Variants in LIX1L observed in about 807,000 individuals in gnomAD.
LIX1L encodes limb and CNS expressed 1 like, also known as LIX1-like protein.
In LIX1L, 20 loss-of-function variants were observed where a neutral mutation model predicts 34.0. That is an observed-to-expected ratio of 0.59 (90% CI 0.41 to 0.85). The LOEUF (loss-of-function observed/expected upper bound fraction) is 0.85. Ranked by LOEUF, LIX1L falls within the 40% of genes least tolerant of loss-of-function variation. The probability of loss-of-function intolerance (pLI) is 0.00; values close to 1 mark genes in which losing one functional copy is unlikely to be tolerated. For missense variants in LIX1L, 397 were observed against 447.0 expected (o/e 0.89, Z 1.01); for synonymous variants, 170 against 187.4 (o/e 0.91, Z 0.76).
chr1:145,949,977 G>A (rs928345329), intron 1 of LIX1L, among the ~76,000 whole-genome samples: 5 of 151,916 alleles, frequency 3.3e-5, no homozygotes, highest in African/African-American at 9.7e-5. Context: ...CACCACGCCC[G>A]TCTAATTTTT....
At chr1:145,955,945 C>A in intron 1 of LIX1L, among the ~76,000 whole-genome samples, 1 of 152,266 alleles carries the variant, frequency 6.6e-6, no homozygotes, top group African/African-American at 2.4e-5. Context: ...AGGGTGTACT[C>A]TTCTATAATT....
rs1466260212 is a variant in LIX1L, at chr1:145,948,788, T to C, written c.293-1006A>G. ...CTTTACTTGGGCTATTTTTCAGGAC[T>C]GTGCTTGCAGCAAGAAATATTGAGG... On this transcript the variant is annotated intron_variant, in intron 1 of 5. Coordinates refer to ENST00000604000, the MANE Select transcript of LIX1L (RefSeq NM_153713.3). This position sits in a 1 kb window ranked among gnomAD's most constrained non-coding sequence, Gnocchi z 4.0. 1 of 152,240 alleles carries C rather than the reference T, an allele frequency of 6.6e-6. No homozygotes were observed. The highest frequency in any genetic ancestry group is 2.4e-5 in the African/African-American group (1 of 41,466). 9.4% of individuals were successfully genotyped at this position (152,240 alleles called of 1,614,324 possible).
At position 145,936,263 on chromosome 1, in the gene LIX1L, C is replaced by T; in HGVS notation, c.*47G>A. 2 of 1,588,740 alleles carry T rather than the reference C, an allele frequency of 1.3e-6. No homozygotes were observed. The highest frequency in any genetic ancestry group is 1.7e-6 in the Non-Finnish European group (2 of 1,166,642). ...ATCATCCTAAATCTTAGAAAGGAGACATAAAAAAAGGCTGTGGAAAGCCTG... is the reference window on the plus strand; with the variant it reads ...ATCATCCTAAATCTTAGAAAGGAGATATAAAAAAAGGCTGTGGAAAGCCTG... On this transcript the variant is annotated 3_prime_UTR_variant, in exon 6 of 6. Transcript: ENST00000604000.
intron 2 of LIX1L, 44 bp from the exon 3 acceptor site, chr1:145,942,897 TGA>T (rs1648972699): frequency 2.5e-6 from 4 of 1,598,732 alleles, no homozygotes; most frequent in Non-Finnish European, 3.4e-6. Flanking sequence ...TTTGTGCATA[TGA>T]GAGAGAGGAA....
chr1:145,949,087 A>T (rs1432218924), intron 1 of LIX1L: 1 of 152,208 alleles, frequency 6.6e-6, no homozygotes, highest in African/African-American at 2.4e-5. Flanking sequence ...AGCACCCATG[A>T]AACAGTAAAT....
In LIX1L at chr1:145,936,227, A is replaced by C; in HGVS notation, c.*83T>G. 1 of 1,426,396 alleles carries C rather than the reference A, an allele frequency of 7.0e-7. No homozygotes were observed. Among genetic ancestry groups the C allele is most frequent in the Non-Finnish European group, 9.5e-7 (1 of 1,049,626 alleles). The allele number at this position is 1,426,396 out of a possible 1,614,324, so 88.4% of individuals were successfully genotyped here. A position where few individuals can be genotyped will look rare whatever the true frequency, so the allele number is the denominator to read the frequency against. On this transcript the variant is annotated 3_prime_UTR_variant, in exon 6 of 6. Transcript: ENST00000604000. The stretch of plus-strand genomic sequence containing the variant: ...TTTTAAAGTATAAAAATGAGAAAGT[A>C]TGTACAAAAAATCATCCTAAATCTT...
intron 3 of LIX1L, chr1:145,941,929 G>A (rs1467264438): frequency 6.6e-6 from 1 of 152,096 alleles, no homozygotes; most frequent in Non-Finnish European, 1.5e-5. Flanking sequence ...TGTCGCCCAG[G>A]CTGGAGTACA....
chr1:145,944,907 G>A (rs1374388970), intron 2 of LIX1L, among the ~76,000 whole-genome samples: 2 of 151,796 alleles, frequency 1.3e-5, no homozygotes, highest in Admixed American at 6.6e-5. Flanking sequence ...ATATGCCTGC[G>A]GCCCCAGCTA....
At chr1:145,944,397 A>G (rs1044285605) in intron 2 of LIX1L, 83 of 152,316 alleles carry the variant, frequency 5.4e-4, no homozygotes, top group African/African-American at 1.9e-3. Context: ...TGTGTTTAGT[A>G]CTTAAGCATC....
rs139067512 is a variant in LIX1L at position 145,952,696 on chromosome 1, C to T, written c.293-4914G>A. 2.0e-5 allele frequency among the ~76,000 whole-genome samples: 3 copies of T among 152,188 alleles called. No individual in the cohort carries two copies. In the East Asian group the frequency reaches 5.8e-4, roughly 29 times the overall value. Reference sequence around the variant, plus strand: ...GCATGATCTTGGCTCACGGCAACCTCCACCTCCAAGGTTCAAGCAATTCTC... The same window carrying T: ...GCATGATCTTGGCTCACGGCAACCTTCACCTCCAAGGTTCAAGCAATTCTC... On this transcript the variant is annotated intron_variant, in intron 1 of 5. Transcript: ENST00000604000.
At chr1:145,956,449 A>G (rs78137973) in intron 1 of LIX1L, among the ~76,000 whole-genome samples, 20 of 152,306 alleles carry the variant, frequency 1.3e-4, no homozygotes, top group Non-Finnish European at 2.9e-4. Context: ...GTCAATCCAT[A>G]TTGTAACCCT....
At chr1:145,937,474 T>G (rs1388086301) in intron 4 of LIX1L, 130 bp downstream of exon 4, 56 of 623,262 alleles carry the variant, frequency 9.0e-5, no homozygotes, top group Non-Finnish European at 1.4e-4. Flanking sequence ...GGTATTTATT[T>G]TTGAAAAATA....
chr1:145,934,506 G>C lies in LIX1L; in HGVS notation c.*1804C>G, dbSNP rs1250586333. 4 of 151,226 alleles carry C rather than the reference G, an allele frequency of 2.6e-5. No individual in the cohort carries two copies. The highest frequency in any genetic ancestry group is 5.9e-5 in the Non-Finnish European group (4 of 67,900). The allele number at this position is 151,226 out of a possible 1,614,324, so 9.4% of individuals were successfully genotyped here. A position where few individuals can be genotyped will look rare whatever the true frequency, so the allele number is the denominator to read the frequency against. On this transcript the variant is annotated 3_prime_UTR_variant, in exon 6 of 6. Coordinates refer to ENST00000604000, the MANE Select transcript of LIX1L (RefSeq NM_153713.3). ...GGAGAGTGGCGTGAACCCGGGAGGC[G>C]GAGCTTGCAGTGAGCCGAGATAGCG...
chr1:145,935,831 G>T lies in LIX1L; in HGVS notation c.*479C>A. ...GAGGCAGAGAAGGAATAAGGTAGTG[G>T]TGGGGAGGAAAGGGATAGCAAGCAG... is the stretch of plus-strand genomic sequence containing the variant. On this transcript the variant is annotated 3_prime_UTR_variant, in exon 6 of 6. Transcript: ENST00000604000. 6.1e-6 allele frequency: 1 copy of T among 163,784 alleles called. No homozygotes were observed. Among genetic ancestry groups the T allele is most frequent in the Non-Finnish European group, 1.3e-5 (1 of 74,170 alleles). 10.1% of individuals were successfully genotyped at this position (163,784 alleles called of 1,614,324 possible). A position where few individuals can be genotyped will look rare whatever the true frequency, so the allele number is the denominator to read the frequency against.
At position 145,936,098 on chromosome 1, in the gene LIX1L, G is replaced by T; in HGVS notation, c.*212C>A. The T allele has an allele frequency of 1.8e-6, 1 of 562,416 alleles. No homozygotes were observed. 34.8% of individuals were successfully genotyped at this position (562,416 alleles called of 1,614,324 possible). A position where few individuals can be genotyped will look rare whatever the true frequency, so the allele number is the denominator to read the frequency against. On this transcript the variant is annotated 3_prime_UTR_variant, in exon 6 of 6. Coordinates refer to ENST00000604000, the MANE Select transcript of LIX1L (RefSeq NM_153713.3). The stretch of plus-strand genomic sequence containing the variant: ...ACAAGCTGCTCTTTGTTGTAAAGTG[G>T]ACTGAAGATGTTTCAAATAAAACTA...
Position 145,957,935 on chromosome 1 carries a change from G to T in LIX1L, c.-8C>A. ...CGCTCGCATAGTCTCCATCCCGGCC[G>T]CCAATGGAGTAGCGCCCCGGAGCCT... On this transcript the variant is annotated 5_prime_UTR_variant, in exon 1 of 6. Coordinates refer to ENST00000604000, the MANE Select transcript of LIX1L (RefSeq NM_153713.3). 2.0e-6 allele frequency: 3 copies of T among 1,469,938 alleles called. No homozygotes were observed. Among genetic ancestry groups the T allele is most frequent in the South Asian group, 1.3e-5 (1 of 75,054 alleles). 91.1% of individuals were successfully genotyped at this position (1,469,938 alleles called of 1,614,324 possible).
In LIX1L at chr1:145,957,988, C is replaced by G; in HGVS notation, c.-61G>C. On this transcript the variant is annotated 5_prime_UTR_variant, in exon 1 of 6. Coordinates refer to ENST00000604000, the MANE Select transcript of LIX1L (RefSeq NM_153713.3). ...CAGCCTGCCGAGCTAACGGTCCCAA[C>G]CACCCCAGTCAGCTAGCGCCTGGGG... 8.3e-7 allele frequency: 1 copy of G among 1,210,376 alleles called. No homozygotes were observed. The highest frequency in any genetic ancestry group is 1.8e-5 in the South Asian group (1 of 54,620). The allele number at this position is 1,210,376 out of a possible 1,614,324, so 75.0% of individuals were successfully genotyped here. A position where few individuals can be genotyped will look rare whatever the true frequency, so the allele number is the denominator to read the frequency against.
At chr1:145,949,173 T>C (rs1649204946) in intron 1 of LIX1L, 1 of 152,192 alleles carries the variant, frequency 6.6e-6, no homozygotes, top group African/African-American at 2.4e-5. Context: ...CTTCCTCTCA[T>C]CCCTACGTTT....
intron 1 of LIX1L, among the ~76,000 whole-genome samples, chr1:145,955,929 A>T (rs1236417256): frequency 6.6e-6 from 1 of 152,180 alleles, no homozygotes; most frequent in African/African-American, 2.4e-5. Flanking sequence ...AACACAGACA[A>T]GAAAAAGGGT....
Sources: gnomAD v4.1 joint callset for allele counts (sites outside exome capture counted in the v4.1 genomes callset) on GRCh38, gnomAD v4.1.1 for gene constraint, Gnocchi (gnomAD v3.1) non-coding constraint, MANE v1.5 for transcripts, NCBI Gene and HGNC (gene_info 2026-07-23, HGNC 2026-07-21) for gene names.